Variants in ARPC1A observed in about 807,000 individuals in gnomAD.
The protein encoded by ARPC1A is actin related protein 2/3 complex subunit 1A.
A neutral mutation model predicts 46.9 loss-of-function variants in ARPC1A; 8 were observed. That is an observed-to-expected ratio of 0.17 (90% CI 0.10 to 0.31). ARPC1A has a LOEUF of 0.31. Among genes scored for constraint, ARPC1A ranks in the 10% least tolerant of loss-of-function variants. ARPC1A has a pLI of 1.00. For synonymous variants in ARPC1A, 152 were observed against 169.0 expected, an observed-to-expected ratio of 0.90 and a Z score of 0.78; for missense variants, 286 against 483.6, an observed-to-expected ratio of 0.59 and a Z score of 3.83.
At chr7:99,351,035 A>AAG (rs1037296829) in intron 5 of ARPC1A, among the ~76,000 whole-genome samples, 8 of 151,982 alleles carry the variant, frequency 5.3e-5, no homozygotes, top group South Asian at 2.1e-4. Flanking sequence ...TTAAAAAAAA[A>AAG]AGAGAGAGAG....
chr7:99,337,061 G>A (rs1793267164), intron 2 of ARPC1A, among the ~76,000 whole-genome samples: 1 of 152,070 alleles, frequency 6.6e-6, no homozygotes, highest in Non-Finnish European at 1.5e-5. Flanking sequence ...TGAAATGCCT[G>A]GGACCAGAAT....
At position 99,348,970 on chromosome 7, in the gene ARPC1A, G is replaced by C; in HGVS notation, c.500+11G>C. On this transcript the variant is annotated intron_variant, in intron 5 of 9. Transcript: ENST00000262942. ...TGACTTCAAATGCAGGTGGGAACCAGTGAGAACTGATAAACTTGAGCCGTG... is the reference window on the plus strand; with the variant it reads ...TGACTTCAAATGCAGGTGGGAACCACTGAGAACTGATAAACTTGAGCCGTG... 3.1e-6 allele frequency: 5 copies of C among 1,604,300 alleles called. No individual in the cohort carries two copies. In the Middle Eastern group the frequency reaches 6.6e-4, roughly 212 times the overall value.
At position 99,359,529 on chromosome 7, in the gene ARPC1A, C is replaced by T. The variant is rs1160337973; in HGVS notation, c.790-16C>T. On this transcript the variant is annotated splice_polypyrimidine_tract_variant and intron_variant, in intron 7 of 9. Coordinates refer to ENST00000262942, the MANE Select transcript of ARPC1A (RefSeq NM_006409.4). The stretch of plus-strand genomic sequence containing the variant: ...GGGCAGTGCATCCTCCAGGGACTGA[C>T]TGAGTCTTGTTTCAGGGCCATGACT... The T allele has an allele frequency of 1.2e-6, 2 of 1,613,348 alleles. No individual in the cohort carries two copies. Among genetic ancestry groups the T allele is most frequent in the Non-Finnish European group, 1.7e-6 (2 of 1,179,880 alleles).
intron 1 of ARPC1A, among the ~76,000 whole-genome samples, chr7:99,328,265 A>G (rs981978858): frequency 6.6e-6 from 1 of 152,172 alleles, no homozygotes; most frequent in African/African-American, 2.4e-5. Flanking sequence ...GCTACTCAGG[A>G]GGCTGAGGCT....
At chr7:99,359,498 G>A (rs1185569136) in intron 7 of ARPC1A, 47 bp from the exon 8 acceptor site, 1 of 1,596,400 alleles carries the variant, frequency 6.3e-7, no homozygotes, top group East Asian at 2.2e-5. Context: ...CAAGGAGGTG[G>A]GCGGTGGGCA....
chr7:99,353,725 C>A (rs1186278692), intron 5 of ARPC1A, among the ~76,000 whole-genome samples, 184 bp from the exon 6 acceptor site: 1 of 151,424 alleles, frequency 6.6e-6, no homozygotes, highest in Non-Finnish European at 1.5e-5. Context: ...GTGATCCACC[C>A]ACCTAGGCCT....
Position 99,326,256 on chromosome 7 carries a change from G to C in ARPC1A, c.-30+252G>C, listed in dbSNP as rs546247217. ...TGCCCGAATTAACGGCCCCTTCTGC[G>C]CCCCCAGGGTCCTACTTGCACCTCT... On this transcript the variant is annotated intron_variant, in intron 1 of 9. Coordinates refer to ENST00000262942, the MANE Select transcript of ARPC1A (RefSeq NM_006409.4). Among the ~76,000 whole-genome samples, 78 of 152,226 alleles carry C rather than the reference G, an allele frequency of 5.1e-4. 1 individual carries two copies. Among genetic ancestry groups the C allele is most frequent in the Admixed American group, 4.1e-3 (62 of 15,282 alleles).
In ARPC1A at chr7:99,353,092, T is replaced by G. The variant is rs576573771; in HGVS notation, c.501-817T>G. Among the ~76,000 whole-genome samples the G allele has an allele frequency of 8.6e-5, 13 of 150,702 alleles. No individual in the cohort carries two copies. In the South Asian group the frequency reaches 1.1e-3, roughly 12 times the overall value. ...TGGACTTACCTATCATGATTTATTA[T>G]TTTAGTTTAGTTTAGTTTAGTTTAT... is the stretch of plus-strand genomic sequence containing the variant. On this transcript the variant is annotated intron_variant, in intron 5 of 9. Coordinates refer to ENST00000262942, the MANE Select transcript of ARPC1A (RefSeq NM_006409.4).
rs527507747 is a variant in ARPC1A, at chr7:99,327,972, G to A, written c.-30+1968G>A. 2.0e-5 allele frequency among the ~76,000 whole-genome samples: 3 copies of A among 152,096 alleles called. No individual in the cohort carries two copies. The East Asian group carries it at 5.9e-4, about 30-fold the overall frequency. On this transcript the variant is annotated intron_variant, in intron 1 of 9. Coordinates refer to ENST00000262942, the MANE Select transcript of ARPC1A (RefSeq NM_006409.4). ...ACAGGGGACAGAAATGCCCACTTTT[G>A]TGGGCATTTTCAAGCTCCAAAGGAG...
chr7:99,365,799 AG>A (rs1793829415), intron 9 of ARPC1A, 91 bp from the exon 10 acceptor site: 1 of 1,377,056 alleles, frequency 7.3e-7, no homozygotes, highest in Non-Finnish European at 1.0e-6. Flanking sequence ...GGGGACAGGC[AG>A]AACCTTCCCT....
Position 99,366,012 on chromosome 7 carries a change from C to A in ARPC1A, c.*83C>A. ...GTGGCACGATGGCGAGGAAGCCAGC[C>A]CCAAGGAAACACTGAAAACACATAT... On this transcript the variant is annotated 3_prime_UTR_variant, in exon 10 of 10. Transcript: ENST00000262942. 2.1e-6 allele frequency: 3 copies of A among 1,458,820 alleles called. No individual in the cohort carries two copies. Among genetic ancestry groups the A allele is most frequent in the Middle Eastern group, 3.6e-4 (2 of 5,536 alleles). 90.4% of individuals were successfully genotyped at this position (1,458,820 alleles called of 1,614,324 possible). A position where few individuals can be genotyped will look rare whatever the true frequency, so the allele number is the denominator to read the frequency against.
intron 2 of ARPC1A, among the ~76,000 whole-genome samples, chr7:99,334,046 T>C (rs1245939388): frequency 6.6e-6 from 1 of 150,976 alleles, no homozygotes; most frequent in Non-Finnish European, 1.5e-5. Context: ...TATGTATTTT[T>C]TTTTTTTGAG....
intron 5 of ARPC1A, among the ~76,000 whole-genome samples, chr7:99,353,447 C>T (rs530791511): frequency 7.0e-6 from 1 of 142,048 alleles, no homozygotes; most frequent in Non-Finnish European, 1.5e-5. Context: ...CATGAGCCAC[C>T]GCACCCAGCC....
intron 8 of ARPC1A, chr7:99,363,316 A>C (rs1417827157): frequency 2.0e-6 from 1 of 502,876 alleles, no homozygotes; most frequent in South Asian, 2.4e-5. Flanking sequence ...GTGGTGGCTT[A>C]TGCCTGTAAT....
intron 2 of ARPC1A, among the ~76,000 whole-genome samples, chr7:99,337,511 A>C (rs1167988833): frequency 6.6e-6 from 1 of 152,220 alleles, no homozygotes; most frequent in African/African-American, 2.4e-5. Context: ...GTTGATACTC[A>C]AAAAGTTTTG....
At chr7:99,334,951 C>T (rs865871622) in intron 2 of ARPC1A, among the ~76,000 whole-genome samples, 1 of 152,190 alleles carries the variant, frequency 6.6e-6, no homozygotes, top group African/African-American at 2.4e-5. Flanking sequence ...TCACACCATT[C>T]TCCTGCCTCA....
At chr7:99,340,392 A>T (rs1404935930) in intron 3 of ARPC1A, among the ~76,000 whole-genome samples, 3 of 152,176 alleles carry the variant, frequency 2.0e-5, no homozygotes, top group Non-Finnish European at 4.4e-5. Flanking sequence ...CAAGCTCCTG[A>T]CATCAAGTGA....
chr7:99,341,803 G>C (rs1180008641), intron 3 of ARPC1A, among the ~76,000 whole-genome samples: 1 of 151,932 alleles, frequency 6.6e-6, no homozygotes, highest in Admixed American at 6.6e-5. Context: ...TGCTCACATG[G>C]CATTTTTTAG....
At position 99,359,697 on chromosome 7, in the gene ARPC1A, C is replaced by T; in HGVS notation, c.942C>T (p.Asp314=). ...RNMDKRATTE[D]RNTALETLHQ... is the part of the protein sequence containing the mutation. ...TGGACAAGAGAGCCACAACTGAGGA[C>T]CGCAACACGGCCTTGGAGACGCTGC... The change falls in exon 8 of 10, where the codon GAC becomes GAT. Residue 314 remains aspartate (D), a synonymous_variant. Coordinates refer to ENST00000262942, the MANE Select transcript of ARPC1A (RefSeq NM_006409.4). 1.2e-6 allele frequency: 2 copies of T among 1,614,196 alleles called. No individual in the cohort carries two copies. The highest frequency in any genetic ancestry group is 1.7e-6 in the Non-Finnish European group (2 of 1,180,040).
Sources: gnomAD v4.1 joint callset for allele counts (sites outside exome capture counted in the v4.1 genomes callset) on GRCh38, gnomAD v4.1.1 for gene constraint, MANE v1.5 for transcripts, NCBI Gene and HGNC (gene_info 2026-07-23, HGNC 2026-07-21) for gene names.